FRK: variants seen among roughly 807,000 people sequenced by gnomAD.
FRK encodes tyrosine-protein kinase FRK.
Under a neutral mutation model 56.4 loss-of-function variants are expected in FRK, and 51 were observed. The observed-to-expected ratio is 0.90, with a 90% CI of 0.72 to 1.14. The LOEUF (loss-of-function observed/expected upper bound fraction) is 1.14. Among genes scored for constraint, FRK ranks in the 50% most tolerant of loss-of-function variants. The pLI is 0.00. For missense variants in FRK, 570 were observed against 601.4 expected, an observed-to-expected ratio of 0.95 and a Z score of 0.55; for synonymous variants, 245 against 217.9, an observed-to-expected ratio of 1.12 and a Z score of -1.10.
chr6:115,958,748 A>G (rs1259585753), intron 4 of FRK, among the ~76,000 whole-genome samples: 2 of 38,904 alleles, frequency 5.1e-5, no homozygotes, highest in South Asian at 1.6e-3. Flanking sequence ...AGAAAGAAAG[A>G]AAGAAAGAAA....
the FRK span, among the ~76,000 whole-genome samples, chr6:116,084,894 A>G: frequency 6.6e-6 from 1 of 152,252 alleles, no homozygotes; most frequent in East Asian, 1.9e-4. Context: ...TGCAAAAAGA[A>G]GTGATAAGAT....
upstream of FRK, among the ~76,000 whole-genome samples, chr6:116,064,189 C>G (rs1206613363): frequency 6.6e-6 from 1 of 152,206 alleles, no homozygotes; most frequent in Non-Finnish European, 1.5e-5. Flanking sequence ...GCATCCTCCT[C>G]TACCTGCTCC....
intron 1 of FRK, among the ~76,000 whole-genome samples, chr6:116,047,090 C>T (rs1672320629): frequency 6.6e-6 from 1 of 151,164 alleles, no homozygotes; most frequent in African/African-American, 2.4e-5. Context: ...ACTTTAAGAC[C>T]TAGGACTGAA....
chr6:116,052,313 T>C (rs1777209495), intron 1 of FRK, among the ~76,000 whole-genome samples: 1 of 152,106 alleles, frequency 6.6e-6, no homozygotes, highest in Admixed American at 6.6e-5. Flanking sequence ...AAAAATAGCT[T>C]ATGCCTTTAA....
At position 115,941,594 on chromosome 6, in the gene FRK, A is replaced by T. The variant is rs887163520; in HGVS notation, c.*820T>A. Reference sequence around the variant, plus strand: ...CAGAAGTCTAGGCCACAGCAATCCTACTGTTCTCCTCTCATTTTCCTAAAC... The same window carrying T: ...CAGAAGTCTAGGCCACAGCAATCCTTCTGTTCTCCTCTCATTTTCCTAAAC... On this transcript the variant is annotated 3_prime_UTR_variant, in exon 8 of 8. Transcript: ENST00000606080. 1.4e-4 allele frequency: 21 copies of T among 152,220 alleles called. No homozygotes were observed. The highest frequency in any genetic ancestry group is 4.8e-4 in the African/African-American group (20 of 41,548). 9.4% of individuals were successfully genotyped at this position (152,220 alleles called of 1,614,324 possible).
chr6:116,015,982 A>G (rs529594569), intron 1 of FRK, among the ~76,000 whole-genome samples: 2 of 152,332 alleles, frequency 1.3e-5, no homozygotes, highest in African/African-American at 2.4e-5. Context: ...CAGCCTGATC[A>G]TGTGGTAGAA....
At chr6:115,987,043 A>G (rs1023357373) in intron 2 of FRK, among the ~76,000 whole-genome samples, 11 of 152,138 alleles carry the variant, frequency 7.2e-5, no homozygotes, top group Non-Finnish European at 4.4e-5. Context: ...CAATTATAAT[A>G]GCATCTCAAT....
At chr6:116,035,372 C>G (rs368664663) in intron 1 of FRK, among the ~76,000 whole-genome samples, 3 of 152,134 alleles carry the variant, frequency 2.0e-5, no homozygotes, top group East Asian at 1.9e-4. Flanking sequence ...TATCCAATTT[C>G]AGTTGACCTC....
At chr6:116,097,588 A>C in the FRK span, among the ~76,000 whole-genome samples, 1 of 152,336 alleles carries the variant, frequency 6.6e-6, no homozygotes, top group South Asian at 2.1e-4. Flanking sequence ...ATCACAAGTC[A>C]CACCTAAGGT....
chr6:116,048,559 A>ATT (rs886337376), intron 1 of FRK, among the ~76,000 whole-genome samples: 3 of 150,668 alleles, frequency 2.0e-5, no homozygotes, highest in African/African-American at 7.3e-5. Flanking sequence ...TAATTTTTGT[A>ATT]TTTTTTTTTA....
At chr6:116,084,060 G>T in the FRK span, among the ~76,000 whole-genome samples, 1 of 152,080 alleles carries the variant, frequency 6.6e-6, no homozygotes, top group African/African-American at 2.4e-5. Flanking sequence ...GCAGTTTGAT[G>T]AAAGGAAAAA....
chr6:116,070,132 T>TC, the FRK span, among the ~76,000 whole-genome samples: 2 of 143,062 alleles, frequency 1.4e-5, no homozygotes, highest in Admixed American at 1.4e-4. Flanking sequence ...CAGCCCATTA[T>TC]TTAAAAAAAA....
Position 115,985,540 on chromosome 6 carries a change from A to G in FRK, c.467-16801T>C, listed in dbSNP as rs150190022. Among the ~76,000 whole-genome samples, 1,278 of 152,230 alleles carry G rather than the reference A, an allele frequency of 8.4e-3. 18 individuals are homozygous for G. The highest frequency in any genetic ancestry group is 0.029 in the African/African-American group (1,198 of 41,550). Reference sequence around the variant, plus strand: ...GGGGTGGATGTCCACATAAGTTCTGAGTCAGATAGCCTGGCTATAAACCTC... The same window carrying G: ...GGGGTGGATGTCCACATAAGTTCTGGGTCAGATAGCCTGGCTATAAACCTC... On this transcript the variant is annotated intron_variant, in intron 2 of 7. Coordinates refer to ENST00000606080, the MANE Select transcript of FRK (RefSeq NM_002031.3).
intron 2 of FRK, among the ~76,000 whole-genome samples, chr6:115,969,510 C>T (rs904245524): frequency 5.3e-5 from 8 of 152,122 alleles, no homozygotes; most frequent in African/African-American, 1.9e-4. Context: ...AACAGCACCC[C>T]CAGTTTTCCT....
At chr6:115,948,556 C>T (rs1772557169) in intron 5 of FRK, among the ~76,000 whole-genome samples, 1 of 152,134 alleles carries the variant, frequency 6.6e-6, no homozygotes, top group African/African-American at 2.4e-5. Context: ...CTTCCTCTGC[C>T]CACCCTCAAT....
intron 2 of FRK, among the ~76,000 whole-genome samples, chr6:115,974,489 T>C (rs536816932): frequency 1.5e-3 from 234 of 152,304 alleles, no homozygotes; most frequent in African/African-American, 5.4e-3. Context: ...AGAGAGGTAT[T>C]TTGCTTAACG....
intron 1 of FRK, among the ~76,000 whole-genome samples, chr6:116,014,200 A>G (rs1314150316): frequency 1.3e-5 from 2 of 152,212 alleles, no homozygotes; most frequent in East Asian, 1.9e-4. Flanking sequence ...ATACATTAGA[A>G]ACATTAATTT....
intron 1 of FRK, among the ~76,000 whole-genome samples, chr6:116,030,740 C>A (rs1434734829): frequency 2.0e-5 from 3 of 152,102 alleles, no homozygotes; most frequent in African/African-American, 7.2e-5. Context: ...TTTACAATAT[C>A]CTTTGGAATA....
chr6:116,081,173 C>T, the FRK span, among the ~76,000 whole-genome samples: 3 of 152,170 alleles, frequency 2.0e-5, no homozygotes, highest in Non-Finnish European at 4.4e-5. Context: ...CCACTGGGTG[C>T]CTCCCACAAC....
Sources: allele counts gnomAD v4.1 joint callset (sites outside exome capture counted in the v4.1 genomes callset), GRCh38; gene constraint gnomAD v4.1.1; transcripts MANE v1.5; gene names NCBI Gene and HGNC (gene_info 2026-07-23, HGNC 2026-07-21).